Variants in SCIN observed in about 807,000 individuals in gnomAD.
SCIN encodes the protein adseverin.
A neutral mutation model predicts 91.8 loss-of-function variants in SCIN; 91 were observed. The ratio of observed to expected loss-of-function variants is 0.99; its 90% CI spans 0.84 to 1.18. SCIN has a LOEUF of 1.18. Among genes scored for constraint, SCIN ranks in the 50% most tolerant of loss-of-function variants. SCIN has a pLI of 0.00. For synonymous variants in SCIN, 367 were observed against 312.6 expected (o/e 1.17, Z -1.84); for missense variants, 1,087 against 863.9 (o/e 1.26, Z -3.24).
At chr7:12,613,134 A>G (rs1728667750) in intron 4 of SCIN, among the ~76,000 whole-genome samples, 1 of 152,154 alleles carries the variant, frequency 6.6e-6, no homozygotes, top group Non-Finnish European at 1.5e-5. Context: ...TAATATAAAT[A>G]TTGAACTATA....
chr7:12,639,007 C>G (rs926802680), intron 10 of SCIN, among the ~76,000 whole-genome samples: 12 of 152,060 alleles, frequency 7.9e-5, no homozygotes, highest in Admixed American at 5.9e-4. Flanking sequence ...CGGTTGAATC[C>G]TAAATTGACA....
chr7:12,652,251 A>G (rs1163840718), intron 15 of SCIN, among the ~76,000 whole-genome samples: 1 of 152,186 alleles, frequency 6.6e-6, no homozygotes, highest in African/African-American at 2.4e-5. Flanking sequence ...TTTCTGGCAC[A>G]ATTTTCCTTT....
chr7:12,645,423 G>A (rs1783945007), intron 13 of SCIN, among the ~76,000 whole-genome samples: 1 of 152,162 alleles, frequency 6.6e-6, no homozygotes, highest in African/African-American at 2.4e-5. Context: ...ACATGCTACT[G>A]TTCTGAATCT....
chr7:12,613,001 G>T (rs551232373), intron 4 of SCIN, among the ~76,000 whole-genome samples: 22 of 152,230 alleles, frequency 1.4e-4, no homozygotes, highest in African/African-American at 5.3e-4. Flanking sequence ...CAGCTGAAGT[G>T]AGGGAATATC....
Position 12,622,782 on chromosome 7 carries a change from A to G in SCIN, c.667-19A>G. 6.4e-7 allele frequency: 1 copy of G among 1,569,436 alleles called. No individual in the cohort carries two copies. Among genetic ancestry groups the G allele is most frequent in the Non-Finnish European group, 8.8e-7 (1 of 1,140,214 alleles). ...ATGGGAGATCTTTATCTTTGCATCC[A>G]CTGCTCACTTTTTTCCAGGTCTTAG... On this transcript the variant is annotated intron_variant, in intron 4 of 15. Coordinates refer to ENST00000297029, the MANE Select transcript of SCIN (RefSeq NM_001112706.3).
At position 12,646,356 on chromosome 7, in the gene SCIN, C is replaced by A. The variant is rs149100535; in HGVS notation, c.1881+1651C>A. ...ACTGTCTAGCCTTCTTGTGTCCTCA[C>A]ATGGCCAAGAGAGCAAGCTCTAGTC... is the stretch of plus-strand genomic sequence containing the variant. On this transcript the variant is annotated intron_variant, in intron 13 of 15. Coordinates refer to ENST00000297029, the MANE Select transcript of SCIN (RefSeq NM_001112706.3). Among the ~76,000 whole-genome samples, 1,006 of 152,350 alleles carry A rather than the reference C, an allele frequency of 6.6e-3. 11 individuals carry two copies. Among genetic ancestry groups the A allele is most frequent in the South Asian group, 0.029 (138 of 4,832 alleles).
At chr7:12,594,458 C>T (rs112768337) in intron 3 of SCIN, among the ~76,000 whole-genome samples, 5 of 152,042 alleles carry the variant, frequency 3.3e-5, no homozygotes, top group South Asian at 2.1e-4. Flanking sequence ...TTTCTCATTG[C>T]GATGGCAAAA....
At position 12,626,742 on chromosome 7, in the gene SCIN, T is replaced by C. The variant is rs1156916538; in HGVS notation, c.1140T>C (p.Ser380=). The C allele has an allele frequency of 1.2e-6, 2 of 1,610,464 alleles. No homozygotes were observed. The highest frequency in any genetic ancestry group is 4.5e-5 in the East Asian group (2 of 44,728). ...CCTTTGATGCCTCAAAATTACACAG[T>C]TCTCCGCAGATGGCAGCCCAGCACA... The part of the protein sequence containing the change: ...QIPFDASKLH[S]SPQMAAQHNM... Residue 380 remains serine (S), a synonymous_variant, in exon 8 of 16, where the codon AGT becomes AGC. Coordinates refer to ENST00000297029, the MANE Select transcript of SCIN (RefSeq NM_001112706.3).
chr7:12,635,933 C>A, intron 9 of SCIN, 112 bp from the exon 10 acceptor site: 1 of 757,774 alleles, frequency 1.3e-6, no homozygotes, highest in Non-Finnish European at 2.3e-6. Flanking sequence ...CATGTTAAAA[C>A]AGTTCGCTTC....
rs537249988 is a variant in SCIN at position 12,645,629 on chromosome 7, C to T, written c.1881+924C>T. ...GTATCCATTAGTTATTTTTCCTGAT[C>T]GTCTCCCTCATCCCACCTTCCACCT... On this transcript the variant is annotated intron_variant, in intron 13 of 15. Transcript: ENST00000297029. 1.4e-4 allele frequency among the ~76,000 whole-genome samples: 21 copies of T among 152,208 alleles called. 1 individual carries two copies. The South Asian group carries it at 3.9e-3, about 29-fold the overall frequency.
rs1248787194 is a variant in SCIN, at chr7:12,570,947, C to T, written c.161C>T (p.Thr54Met). The change falls in exon 1 of 16, where the codon ACG becomes ATG. Residue 54 changes from threonine to methionine, a missense_variant. Thr to Met is a moderately conservative substitution (Grantham distance 81). Transcript: ENST00000297029. ...TACCTGGTGCTGCACACGGCCAAGA[C>T]GAGCCGAGGCTTCACCTACCACCTG... ...DAYLVLHTAK[T>M]SRGFTYHLHF... 4.5e-6 allele frequency: 7 copies of T among 1,551,200 alleles called. No individual in the cohort carries two copies. The African/African-American group carries it at 9.6e-5, about 21-fold the overall frequency.
At chr7:12,629,056 G>T in intron 8 of SCIN, 45 bp from the exon 9 acceptor site, 1 of 1,503,620 alleles carries the variant, frequency 6.7e-7, no homozygotes, top group Non-Finnish European at 9.0e-7. Context: ...AATATTATTA[G>T]ATCAAGAAAA....
At chr7:12,642,460 C>A (rs1783876345) in intron 11 of SCIN, among the ~76,000 whole-genome samples, 2 of 151,962 alleles carry the variant, frequency 1.3e-5, no homozygotes, top group Non-Finnish European at 2.9e-5. Flanking sequence ...ATGACCTTCT[C>A]CAGCTACTGC....
chr7:12,602,926 T>G (rs779387926), intron 3 of SCIN, among the ~76,000 whole-genome samples: 6 of 152,140 alleles, frequency 3.9e-5, no homozygotes, highest in Non-Finnish European at 8.8e-5. Context: ...GATTAAGAGA[T>G]TAAAGTAAGG....
chr7:12,657,062 T>A lies in SCIN; in HGVS notation c.*4347T>A, dbSNP rs1225690037. The A allele has an allele frequency of 1.3e-5, 2 of 151,886 alleles. No homozygotes were observed. Among genetic ancestry groups the A allele is most frequent in the African/African-American group, 4.8e-5 (2 of 41,320 alleles). 9.4% of individuals were successfully genotyped at this position (151,886 alleles called of 1,614,324 possible). On this transcript the variant is annotated 3_prime_UTR_variant, in exon 16 of 16. Transcript: ENST00000297029. ...GAAACTGGAGCTTACATCCACTACT[T>A]GGGAAGTATAAATTGATACAATGGG...
chr7:12,636,836 C>G lies in SCIN; in HGVS notation c.1410+701C>G, dbSNP rs531562419. 5.9e-5 allele frequency among the ~76,000 whole-genome samples: 9 copies of G among 152,070 alleles called. No homozygotes were observed. The East Asian group carries it at 1.7e-3, about 29-fold the overall frequency. ...GATAAATATTTGAGATGATGTTATG[C>G]TAGTTACCCTAATTTGATCACTATA... On this transcript the variant is annotated intron_variant, in intron 10 of 15. Coordinates refer to ENST00000297029, the MANE Select transcript of SCIN (RefSeq NM_001112706.3).
At chr7:12,602,611 T>C (rs992644993) in intron 3 of SCIN, among the ~76,000 whole-genome samples, 2 of 152,140 alleles carry the variant, frequency 1.3e-5, no homozygotes, top group African/African-American at 4.8e-5. Context: ...GCAATTCCTT[T>C]CCTAGGGTCT....
In SCIN at chr7:12,658,477, C is replaced by G. The variant is rs532888951; in HGVS notation, c.*5762C>G. On this transcript the variant is annotated 3_prime_UTR_variant, in exon 16 of 16. Coordinates refer to ENST00000297029, the MANE Select transcript of SCIN (RefSeq NM_001112706.3). ...CCAACGAACCTGAGCCTGGATTCTT[C>G]AGTAACACAATGCCTTCTGAGAAAC... The G allele has an allele frequency of 6.6e-6, 1 of 152,340 alleles. No homozygotes were observed. The highest frequency in any genetic ancestry group is 2.1e-4 in the South Asian group (1 of 4,824). The allele number at this position is 152,340 out of a possible 1,614,324, so 9.4% of individuals were successfully genotyped here.
At chr7:12,614,365 G>T (rs1267868491) in intron 4 of SCIN, among the ~76,000 whole-genome samples, 1 of 152,172 alleles carries the variant, frequency 6.6e-6, no homozygotes, top group Non-Finnish European at 1.5e-5. Flanking sequence ...CTACTACCCT[G>T]ACAAACATTC....
Sources: gnomAD v4.1 joint callset for allele counts (sites outside exome capture counted in the v4.1 genomes callset) on GRCh38, gnomAD v4.1.1 for gene constraint, MANE v1.5 for transcripts, NCBI Gene and HGNC (gene_info 2026-07-23, HGNC 2026-07-21) for gene names.